DACH2: variants seen among roughly 807,000 people sequenced by gnomAD.
DACH2 encodes the protein dachshund family transcription factor 2.
Under a neutral mutation model 35.8 loss-of-function variants are expected in DACH2, and 17 were observed. The ratio of observed to expected loss-of-function variants is 0.48; its 90% CI spans 0.33 to 0.71. The LOEUF (loss-of-function observed/expected upper bound fraction) is 0.71, where lower values mean the gene tolerates loss of function less well. DACH2 is among the 30% of genes least tolerant of loss of function. The probability of loss-of-function intolerance (pLI) is 0.02; values close to 1 mark genes in which losing one functional copy is unlikely to be tolerated. For missense variants in DACH2, 469 were observed against 472.7 expected, an observed-to-expected ratio of 0.99 and a Z score of 0.07; for synonymous variants, 195 against 177.3, an observed-to-expected ratio of 1.10 and a Z score of -0.79.
chrX:86,240,407 AG>A (rs2033139338), intron 1 of DACH2, among the ~76,000 whole-genome samples: 1 of 106,883 alleles, frequency 9.4e-6, no homozygotes, highest in South Asian at 4.3e-4. Context: ...GCAAGAAGAA[AG>A]TATATTCATC....
chrX:86,658,272 G>A (rs1473355106), intron 4 of DACH2, among the ~76,000 whole-genome samples: 3 of 111,728 alleles, frequency 2.7e-5, no homozygotes, highest in Admixed American at 9.6e-5. Context: ...GTTTGAATGT[G>A]TGTGAAAAAG....
intron 1 of DACH2, among the ~76,000 whole-genome samples, chrX:86,165,075 G>A (rs1351886639): frequency 9.0e-6 from 1 of 111,172 alleles, no homozygotes; most frequent in Non-Finnish European, 1.9e-5. Flanking sequence ...ATAAGCATGG[G>A]ATGTTTTTCC....
At position 86,149,008 on chromosome X, in the gene DACH2, A is replaced by G. The variant is rs769763923; in HGVS notation, c.388A>G (p.Ile130Val). The change falls in exon 1 of 12, where the codon ATC becomes GTC. Residue 130 changes from isoleucine (I) to valine (V), a missense_variant. This residue lies in a region of DACH2 where 99 missense variants were observed against 114.3 expected (regional missense o/e 0.87). Transcript: ENST00000373125. ...PVVCTVEQVR[I>V]LRGLGAIQPG... is the part of the protein sequence containing the mutation. ...GGTGTGTACTGTTGAGCAGGTCCGG[A>G]TCCTCCGCGGGCTGGGGGCCATCCA... The G allele has an allele frequency of 3.3e-6, 4 of 1,210,858 alleles. No homozygotes were observed. The highest frequency in any genetic ancestry group is 4.5e-6 in the Non-Finnish European group (4 of 895,036).
chrX:86,675,577 G>A (rs1242717813), intron 4 of DACH2, among the ~76,000 whole-genome samples: 2 of 110,772 alleles, frequency 1.8e-5, no homozygotes, highest in African/African-American at 3.3e-5. Context: ...TCAGCTTCTC[G>A]GGAGGCTGAC....
intron 1 of DACH2, among the ~76,000 whole-genome samples, chrX:86,327,141 G>A (rs1225299518): frequency 1.8e-5 from 2 of 111,986 alleles, no homozygotes; most frequent in Non-Finnish European, 3.8e-5. Context: ...TCTGGTAGTA[G>A]ATATAAACTA....
chrX:86,208,250 G>A (rs770685414), intron 1 of DACH2, among the ~76,000 whole-genome samples: 1 of 109,887 alleles, frequency 9.1e-6, no homozygotes, highest in Non-Finnish European at 1.9e-5. Context: ...ATGTTTTAGA[G>A]GACTTTGAAA....
Position 86,832,361 on chromosome X carries a change from A to AGTT in DACH2, c.*207_*209dup. On this transcript the variant is annotated 3_prime_UTR_variant, in exon 12 of 12. Coordinates refer to ENST00000373125, the MANE Select transcript of DACH2 (RefSeq NM_053281.3). ...ACTTTGTTCTTGCATTAGACTGACC[A>AGTT]GTTTAAAAATATGAACTAAAACCTA... 2.8e-6 allele frequency: 1 copy of AGTT among 362,235 alleles called. No individual in the cohort carries two copies. Among genetic ancestry groups the AGTT allele is most frequent in the Non-Finnish European group, 4.7e-6 (1 of 212,260 alleles). 29.9% of individuals were successfully genotyped at this position (362,235 alleles called of 1,213,427 possible).
intron 2 of DACH2, among the ~76,000 whole-genome samples, chrX:86,450,622 G>C (rs965372122): frequency 1.3e-4 from 14 of 110,589 alleles, no homozygotes; most frequent in Admixed American, 7.8e-4. Context: ...GGTATTCCTG[G>C]TTTTAGGTCT....
chrX:86,813,360 T>C lies in DACH2; in HGVS notation c.1537+83T>C, dbSNP rs145153127. 1.5e-3 allele frequency: 1,382 copies of C among 918,699 alleles called. 17 individuals are homozygous for C. In the African/African-American group the frequency reaches 0.026, roughly 17 times the overall value. The allele number at this position is 918,699 out of a possible 1,213,427, so 75.7% of individuals were successfully genotyped here. ...TAATGGAAATATTCTCCAAGATATC[T>C]TGGAGGCTGAGGCGGGAGGATCACG... On this transcript the variant is annotated intron_variant, in intron 9 of 11. Coordinates refer to ENST00000373125, the MANE Select transcript of DACH2 (RefSeq NM_053281.3).
At chrX:86,681,510 T>C (rs1244585962) in intron 4 of DACH2, among the ~76,000 whole-genome samples, 1 of 107,750 alleles carries the variant, frequency 9.3e-6, no homozygotes, top group Non-Finnish European at 1.9e-5. Flanking sequence ...AGCCCAGGAG[T>C]TCAAAGCTCT....
At chrX:86,562,153 G>T (rs1222527662) in intron 3 of DACH2, among the ~76,000 whole-genome samples, 2 of 110,223 alleles carry the variant, frequency 1.8e-5, no homozygotes, top group Admixed American at 9.7e-5. Flanking sequence ...TCTTTTCATG[G>T]GGGTGGCCAG....
intron 2 of DACH2, among the ~76,000 whole-genome samples, chrX:86,456,791 T>A (rs1394162188): frequency 4.5e-5 from 5 of 111,224 alleles, no homozygotes; most frequent in Admixed American, 1.9e-4. Flanking sequence ...ATTTTTTTTT[T>A]TGTCTAAGAA....
At chrX:86,517,236 G>A (rs770157621) in intron 3 of DACH2, among the ~76,000 whole-genome samples, 1 of 111,142 alleles carries the variant, frequency 9.0e-6, no homozygotes, top group African/African-American at 3.3e-5. Flanking sequence ...TTTAGTAATA[G>A]CCATTCTGAT....
intron 1 of DACH2, among the ~76,000 whole-genome samples, chrX:86,327,759 T>C (rs1237925689): frequency 8.9e-6 from 1 of 111,926 alleles, no homozygotes; most frequent in Non-Finnish European, 1.9e-5. Context: ...TTGTTTTTGG[T>C]AGCTCAAATA....
chrX:86,529,828 T>G (rs772972572), intron 3 of DACH2, among the ~76,000 whole-genome samples: 1 of 110,757 alleles, frequency 9.0e-6, no homozygotes, highest in East Asian at 2.9e-4. Context: ...TTTGCCTTTC[T>G]GTGCATAAAT....
intron 4 of DACH2, among the ~76,000 whole-genome samples, chrX:86,662,792 G>C (rs192340169): frequency 6.9e-4 from 77 of 111,347 alleles, no homozygotes; most frequent in African/African-American, 2.3e-3. Flanking sequence ...TTCTCTTCTG[G>C]CTTACTATGG....
At chrX:86,667,556 G>GAA (rs371202152) in intron 4 of DACH2, among the ~76,000 whole-genome samples, 1 of 66,124 alleles carries the variant, frequency 1.5e-5, no homozygotes, top group Non-Finnish European at 2.7e-5. Context: ...AAGAAAGAAA[G>GAA]AAAGAAAGAA....
intron 1 of DACH2, among the ~76,000 whole-genome samples, chrX:86,335,819 C>T (rs1016765699): frequency 5.4e-5 from 6 of 111,864 alleles, no homozygotes; most frequent in Non-Finnish European, 7.5e-5. Context: ...GCATCCGTGT[C>T]TTGTGCTGGT....
At position 86,391,282 on chromosome X, in the gene DACH2, T is replaced by TAAAA. The variant is rs55941702; in HGVS notation, c.527+14457_527+14460dup. On this transcript the variant is annotated intron_variant, in intron 2 of 11. Transcript: ENST00000373125. ...TGGGTGACAGAGTGAGGCTCTGTCT[T>TAAAA]AAAAAAAAAAAAAAAAAAAAAAAAA... is the stretch of plus-strand genomic sequence containing the variant. 1.9e-3 allele frequency among the ~76,000 whole-genome samples: 41 copies of TAAAA among 21,430 alleles called. 5 individuals are homozygous for TAAAA. Among genetic ancestry groups the TAAAA allele is most frequent in the Non-Finnish European group, 2.1e-3 (27 of 12,822 alleles). The allele number at this position is 21,430 out of a possible 115,157, so 18.6% of individuals were successfully genotyped here.
Sources: allele counts gnomAD v4.1 joint callset (sites outside exome capture counted in the v4.1 genomes callset), GRCh38; gene constraint gnomAD v4.1.1; regional missense constraint gnomAD v4.1.1; transcripts MANE v1.5; gene names NCBI Gene and HGNC (gene_info 2026-07-23, HGNC 2026-07-21).